The following CHTF8 variants were observed in gnomAD, a reference collection of about 807,000 sequenced individuals.
CHTF8 encodes chromosome transmission fidelity factor 8, also known as chromosome transmission fidelity protein 8 homolog.
Under a neutral mutation model 11.0 loss-of-function variants are expected in CHTF8, and 6 were observed. That is an observed-to-expected ratio of 0.55 (90% CI 0.30 to 1.08). The LOEUF is 1.08. Ranked by LOEUF, CHTF8 falls within the 50% of genes least tolerant of loss-of-function variation. The pLI is 0.07. For synonymous variants in CHTF8, 53 were observed against 60.5 expected (o/e 0.88, Z 0.57); for missense variants, 140 against 153.1 (o/e 0.91, Z 0.45).
At chr16:69,124,950 G>A (rs1338405976) in intron 1 of CHTF8, among the ~76,000 whole-genome samples, 2 of 151,886 alleles carry the variant, frequency 1.3e-5, no homozygotes, top group African/African-American at 4.8e-5. Flanking sequence ...TGTTGCCCAG[G>A]CTGGAGTGCA....
rs778703283 is a variant in CHTF8 at position 69,118,483 on chromosome 16, C to CAGGG, written c.*1938_*1941dup. On this transcript the variant is annotated 3_prime_UTR_variant, in exon 4 of 4. Coordinates refer to ENST00000448552, the MANE Select transcript of CHTF8 (RefSeq NM_001039690.5). ...AGTGAGCTGATTCTCCAATGGTGAG[C>CAGGG]AGGGGACTACATGTGAACTGGGACC... 3.4e-5 allele frequency: 47 copies of CAGGG among 1,393,628 alleles called. No individual in the cohort carries two copies. Among genetic ancestry groups the CAGGG allele is most frequent in the South Asian group, 8.1e-5 (7 of 86,898 alleles). The allele number at this position is 1,393,628 out of a possible 1,614,324, so 86.3% of individuals were successfully genotyped here.
At chr16:69,130,279 T>C (rs1471462153) in intron 1 of CHTF8, among the ~76,000 whole-genome samples, 1 of 152,102 alleles carries the variant, frequency 6.6e-6, no homozygotes, top group African/African-American at 2.4e-5. Flanking sequence ...AATAACTAAA[T>C]TTTAATAAAG....
chr16:69,125,751 T>C (rs1392162016), intron 1 of CHTF8, among the ~76,000 whole-genome samples: 1 of 152,248 alleles, frequency 6.6e-6, no homozygotes, highest in African/African-American at 2.4e-5. Flanking sequence ...ATAAGGTTTC[T>C]TGAAGAAGGA....
Position 69,121,346 on chromosome 16 carries a change from C to T in CHTF8, c.23+90G>A, listed in dbSNP as rs1173580831. 3.9e-6 allele frequency: 5 copies of T among 1,295,018 alleles called. No individual in the cohort carries two copies. The South Asian group carries it at 4.1e-5, about 11-fold the overall frequency. The allele number at this position is 1,295,018 out of a possible 1,614,324, so 80.2% of individuals were successfully genotyped here. ...AATGCAAGGATTTGTACAAGATGCA[C>T]CTAAGGACCCTGATTCTTCCAGACA... On this transcript the variant is annotated intron_variant, in intron 2 of 3. Transcript: ENST00000448552.
In CHTF8 at chr16:69,121,089, A is replaced by G. The variant is rs569990293; in HGVS notation, c.105T>C (p.Ala35=). The change falls in exon 3 of 4, where the codon GCT becomes GCC. Residue 35 remains alanine (A), a synonymous_variant. Coordinates refer to ENST00000448552, the MANE Select transcript of CHTF8 (RefSeq NM_001039690.5). The part of the protein sequence containing the change: ...EIEARYSTGL[A]GNLLGDLHYT... ...AATGTAGGTCTCCCAGGAGGTTTCC[A>G]GCTAATCCAGTGCTGTAGCGAGCCT... is the stretch of plus-strand genomic sequence containing the variant. 7.4e-6 allele frequency: 12 copies of G among 1,614,078 alleles called. No homozygotes were observed. The highest frequency in any genetic ancestry group is 6.7e-5 in the East Asian group (3 of 44,880).
intron 1 of CHTF8, among the ~76,000 whole-genome samples, chr16:69,123,140 T>C (rs561486592): frequency 6.6e-6 from 1 of 152,252 alleles, no homozygotes; most frequent in South Asian, 2.1e-4. Flanking sequence ...CACTGAGGCC[T>C]TTACTGCCCG....
Position 69,120,353 on chromosome 16 carries a change from G to T in CHTF8, c.*72C>A. On this transcript the variant is annotated 3_prime_UTR_variant, in exon 4 of 4. Coordinates refer to ENST00000448552, the MANE Select transcript of CHTF8 (RefSeq NM_001039690.5). This position sits in a 1 kb window ranked among gnomAD's most constrained non-coding sequence, Gnocchi z 4.0. ...CCCTGTGGTCCCAGGGAACCGTCGA[G>T]CCGTCCTCGAGGTGGCAGCGGAGCA... 6.8e-7 allele frequency: 1 copy of T among 1,478,884 alleles called. No homozygotes were observed. The highest frequency in any genetic ancestry group is 9.4e-7 in the Non-Finnish European group (1 of 1,058,522). 91.6% of individuals were successfully genotyped at this position (1,478,884 alleles called of 1,614,324 possible). A position where few individuals can be genotyped will look rare whatever the true frequency, so the allele number is the denominator to read the frequency against.
At position 69,118,226 on chromosome 16, in the gene CHTF8, A is replaced by C; in HGVS notation, c.*2199T>G. The C allele has an allele frequency of 1.5e-6, 1 of 671,708 alleles. No homozygotes were observed. The highest frequency in any genetic ancestry group is 1.7e-5 in the South Asian group (1 of 60,078). 41.6% of individuals were successfully genotyped at this position (671,708 alleles called of 1,614,324 possible). ...AGTGAAGAGGGAGTTGGATGAGTAG[A>C]GGGGCCTTAAATCTGGCCACCTCTA... is the stretch of plus-strand genomic sequence containing the variant. On this transcript the variant is annotated 3_prime_UTR_variant, in exon 4 of 4. Coordinates refer to ENST00000448552, the MANE Select transcript of CHTF8 (RefSeq NM_001039690.5).
At position 69,119,998 on chromosome 16, in the gene CHTF8, T is replaced by C. The variant is rs1244096298; in HGVS notation, c.*427A>G. On this transcript the variant is annotated 3_prime_UTR_variant, in exon 4 of 4. Transcript: ENST00000448552. ...TCCTGGGAGACCCCCTAACCTGGGG[T>C]TAGACAGAGGCCCTGGGCCTGGCAG... 7 of 694,976 alleles carry C rather than the reference T, an allele frequency of 1.0e-5. No homozygotes were observed. Among genetic ancestry groups the C allele is most frequent in the Admixed American group, 2.0e-5 (1 of 49,342 alleles). The allele number at this position is 694,976 out of a possible 1,614,324, so 43.1% of individuals were successfully genotyped here.
Position 69,120,378 on chromosome 16 carries a change from A to C in CHTF8, c.*47T>G. On this transcript the variant is annotated 3_prime_UTR_variant, in exon 4 of 4. Coordinates refer to ENST00000448552, the MANE Select transcript of CHTF8 (RefSeq NM_001039690.5). The surrounding 1 kb of genome is among the most constrained non-coding windows in gnomAD (Gnocchi z 4.0). ...GCCGTCCTCGAGGTGGCAGCGGAGC[A>C]CGAGTCCAAGGAGTTGGCCGCTCTC... 6 of 1,586,408 alleles carry C rather than the reference A, an allele frequency of 3.8e-6. No individual in the cohort carries two copies. The highest frequency in any genetic ancestry group is 4.3e-6 in the Non-Finnish European group (5 of 1,154,840).
In CHTF8 at chr16:69,118,741, C is replaced by G. The variant is rs1961368869; in HGVS notation, c.*1684G>C. On this transcript the variant is annotated 3_prime_UTR_variant, in exon 4 of 4. Coordinates refer to ENST00000448552, the MANE Select transcript of CHTF8 (RefSeq NM_001039690.5). ...AAAAGATGGCTCATTTGAACTTGAG[C>G]CCAAGCTATGTTCTTCAGACTGTAG... 3 of 639,378 alleles carry G rather than the reference C, an allele frequency of 4.7e-6. No individual in the cohort carries two copies. Among genetic ancestry groups the G allele is most frequent in the Non-Finnish European group, 5.6e-6 (2 of 356,714 alleles). The allele number at this position is 639,378 out of a possible 1,614,324, so 39.6% of individuals were successfully genotyped here.
At chr16:69,122,915 G>A (rs1375842342) in intron 1 of CHTF8, among the ~76,000 whole-genome samples, 1 of 151,986 alleles carries the variant, frequency 6.6e-6, no homozygotes, top group Admixed American at 6.6e-5. Context: ...CTGACCTCAG[G>A]TGATCCACCC....
chr16:69,121,931 A>G (rs984355719), intron 1 of CHTF8, among the ~76,000 whole-genome samples: 28 of 152,182 alleles, frequency 1.8e-4, no homozygotes, highest in African/African-American at 6.5e-4. Context: ...GGCCTCCCAA[A>G]GTGCTGGGAT....
rs1961423664 is a variant in CHTF8 at position 69,119,252 on chromosome 16, C to A, written c.*1173G>T. 1.4e-6 allele frequency: 1 copy of A among 703,020 alleles called. No individual in the cohort carries two copies. The highest frequency in any genetic ancestry group is 2.6e-6 in the Non-Finnish European group (1 of 384,980). The allele number at this position is 703,020 out of a possible 1,614,324, so 43.5% of individuals were successfully genotyped here. A position where few individuals can be genotyped will look rare whatever the true frequency, so the allele number is the denominator to read the frequency against. ...CTTGGGAAAATGGTTGGATTTGAGC[C>A]CTGGAGGCCAGCGGACCTTTGGAAG... is the stretch of plus-strand genomic sequence containing the variant. On this transcript the variant is annotated 3_prime_UTR_variant, in exon 4 of 4. Transcript: ENST00000448552.
Position 69,120,966 on chromosome 16 carries a change from G to A in CHTF8, c.141+87C>T, listed in dbSNP as rs1350534060. On this transcript the variant is annotated intron_variant, in intron 3 of 3. Coordinates refer to ENST00000448552, the MANE Select transcript of CHTF8 (RefSeq NM_001039690.5). The surrounding 1 kb of genome is among the most constrained non-coding windows in gnomAD (Gnocchi z 4.0). ...CTAGGCCTTGAATAACAAACCTGAG[G>A]CAGTCCTCACTCTGGGTCCTGGGAG... 8.1e-6 allele frequency: 9 copies of A among 1,104,688 alleles called. No individual in the cohort carries two copies. The highest frequency in any genetic ancestry group is 1.1e-5 in the Non-Finnish European group (8 of 714,730). 68.4% of individuals were successfully genotyped at this position (1,104,688 alleles called of 1,614,324 possible).
chr16:69,125,396 T>A (rs189854086), intron 1 of CHTF8, among the ~76,000 whole-genome samples: 10 of 152,304 alleles, frequency 6.6e-5, no homozygotes, highest in Admixed American at 2.6e-4. Flanking sequence ...CACTTGCTTG[T>A]ATGTTGGACA....
In CHTF8 at chr16:69,120,065, C is replaced by T. The variant is rs1371811315; in HGVS notation, c.*360G>A. Reference sequence around the variant, plus strand: ...TTTAGGGTGGGGCCTGGGCCTGGGCCTGGCCCCAAGAGGCCACCAGGCCTT... The same window carrying T: ...TTTAGGGTGGGGCCTGGGCCTGGGCTTGGCCCCAAGAGGCCACCAGGCCTT... On this transcript the variant is annotated 3_prime_UTR_variant, in exon 4 of 4. Transcript: ENST00000448552. This position sits in a 1 kb window ranked among gnomAD's most constrained non-coding sequence, Gnocchi z 4.0. 5.8e-6 allele frequency: 4 copies of T among 691,088 alleles called. No individual in the cohort carries two copies. The Admixed American group carries it at 8.5e-5, about 15-fold the overall frequency. 42.8% of individuals were successfully genotyped at this position (691,088 alleles called of 1,614,324 possible). A position where few individuals can be genotyped will look rare whatever the true frequency, so the allele number is the denominator to read the frequency against.
At chr16:69,132,318 T>C (rs944510323) in intron 1 of CHTF8, among the ~76,000 whole-genome samples, 166 bp downstream of exon 1, 7 of 46,008 alleles carry the variant, frequency 1.5e-4, no homozygotes, top group Non-Finnish European at 1.7e-4. Flanking sequence ...CGGCCACCCC[T>C]CCCCCGCCCG....
intron 1 of CHTF8, among the ~76,000 whole-genome samples, chr16:69,123,130 C>G (rs1192593373): frequency 6.6e-6 from 1 of 152,096 alleles, no homozygotes; most frequent in Non-Finnish European, 1.5e-5. Flanking sequence ...AATCATAGCT[C>G]ACTGAGGCCT....
Sources: allele counts gnomAD v4.1 joint callset (sites outside exome capture counted in the v4.1 genomes callset), GRCh38; gene constraint gnomAD v4.1.1; non-coding constraint Gnocchi (gnomAD v3.1); transcripts MANE v1.5; gene names NCBI Gene and HGNC (gene_info 2026-07-23, HGNC 2026-07-21).